The following ZNF841 variants were observed in gnomAD, a reference collection of about 807,000 sequenced individuals.
ZNF841 encodes zinc finger protein 841, also known as TCONS_00006091.
A neutral mutation model predicts 13.0 loss-of-function variants in ZNF841; 11 were observed. The ratio of observed to expected loss-of-function variants is 0.85; its 90% confidence interval spans 0.53 to 1.40. The LOEUF (loss-of-function observed/expected upper bound fraction) is 1.40. Ranked by LOEUF, ZNF841 falls within the 40% of genes most tolerant of loss-of-function variation. The probability of loss-of-function intolerance (pLI) is 0.00; values close to 1 mark genes in which losing one functional copy is unlikely to be tolerated. For synonymous variants in ZNF841, 369 were observed against 381.6 expected (o/e 0.97, Z 0.38); for missense variants, 1,068 against 1,139.5 (o/e 0.94, Z 0.90).
chr19:52,072,211 GAGA>G (rs1403880974), intron 6 of ZNF841, among the ~76,000 whole-genome samples: 13 of 152,234 alleles, frequency 8.5e-5, no homozygotes, highest in Admixed American at 5.9e-4. Flanking sequence ...TAACTAAAGG[GAGA>G]AGTAGTTCCA....
chr19:52,064,255 A>AGAATGGCGT (rs1299780191), downstream of ZNF841, among the ~76,000 whole-genome samples: 1 of 147,938 alleles, frequency 6.8e-6, no homozygotes, highest in Non-Finnish European at 1.5e-5. Flanking sequence ...CTGAGGCAGG[A>AGAATGGCGT]GAATGGCGTG....
Position 52,065,460 on chromosome 19 carries a change from G to A in ZNF841, c.2422C>T (p.Leu808=). 2 of 1,613,868 alleles carry A rather than the reference G, an allele frequency of 1.2e-6. No homozygotes were observed. The highest frequency in any genetic ancestry group is 1.7e-6 in the Non-Finnish European group (2 of 1,179,976). Residue 808 remains leucine, a synonymous_variant, in exon 7 of 7, where the codon CTG becomes TTG. Coordinates refer to ENST00000594440, the MANE Select transcript of ZNF841 (RefSeq NM_001136499.2). ...GTATGCATCATCTGATGATTAAGCA[G>A]AATTGAACGTACTCTAAAGGCTTTG... is the stretch of plus-strand genomic sequence containing the variant. The part of the protein sequence containing the change: ...CGKAFRVRSI[L]LNHQMMHTGE...
At chr19:52,059,348 TAAA>T in the ZNF841 span, among the ~76,000 whole-genome samples, 57 of 45,974 alleles carry the variant, frequency 1.2e-3, no homozygotes, top group South Asian at 6.7e-3. Context: ...AGACTCTGTC[TAAA>T]AAAAAAAAAA....
intron 2 of ZNF841, among the ~76,000 whole-genome samples, chr19:52,091,744 G>T (rs2088503945): frequency 6.6e-6 from 1 of 152,132 alleles, no homozygotes. Context: ...CCAGAAAATA[G>T]AAAAAAAGCT....
chr19:52,084,837 CCT>C lies in ZNF841; in HGVS notation c.-38_-37del. ...TTTTCTTTCTTCTTTCTCTCCTGGG[CCT>C]CTCTCTCAGTCAATATAATTAATTC... On this transcript the variant is annotated 5_prime_UTR_variant, in exon 4 of 7. Coordinates refer to ENST00000594440, the MANE Select transcript of ZNF841 (RefSeq NM_001136499.2). 5 of 1,603,674 alleles carry C rather than the reference CCT, an allele frequency of 3.1e-6. No individual in the cohort carries two copies. Among genetic ancestry groups the C allele is most frequent in the Non-Finnish European group, 2.6e-6 (3 of 1,174,484 alleles).
intron 6 of ZNF841, among the ~76,000 whole-genome samples, chr19:52,072,440 A>T (rs1568539687): frequency 6.6e-6 from 1 of 152,260 alleles, no homozygotes; most frequent in Admixed American, 6.5e-5. Context: ...AAAAAATTTT[A>T]AACTTTTTAA....
chr19:52,079,642 G>A (rs937904833), intron 4 of ZNF841, among the ~76,000 whole-genome samples: 4 of 151,956 alleles, frequency 2.6e-5, no homozygotes, highest in Non-Finnish European at 5.9e-5. Context: ...AAGGTGGGAG[G>A]GAAAAAGGCA....
At chr19:52,090,546 G>A (rs2088434650) in intron 2 of ZNF841, among the ~76,000 whole-genome samples, 2 of 151,358 alleles carry the variant, frequency 1.3e-5, no homozygotes, top group African/African-American at 2.4e-5. Flanking sequence ...CTGCAGTGAG[G>A]TATGATCGCC....
Position 52,066,918 on chromosome 19 carries a change from A to G in ZNF841, c.964T>C (p.Cys322Arg), listed in dbSNP as rs1415578364. Residue 322 changes from cysteine to arginine, a missense_variant, in exon 7 of 7, where the codon TGT becomes CGT. Physicochemically the swap from Cys to Arg is radical, Grantham distance 180. Transcript: ENST00000594440. ...TRGKPYQCDVCGRIFRQNSDL... is the reference protein window; with the variant it reads ...TRGKPYQCDVRGRIFRQNSDL... ...GAATTTTGTCTGAAGATCCTGCCACATACATCACATTGGTATGGTTTCCCT... is the reference window on the plus strand; with the variant it reads ...GAATTTTGTCTGAAGATCCTGCCACGTACATCACATTGGTATGGTTTCCCT... The G allele has an allele frequency of 1.2e-6, 2 of 1,614,184 alleles. No individual in the cohort carries two copies. The highest frequency in any genetic ancestry group is 4.5e-5 in the East Asian group (2 of 44,872).
At chr19:52,082,722 C>T (rs907124472) in intron 4 of ZNF841, among the ~76,000 whole-genome samples, 3 of 152,138 alleles carry the variant, frequency 2.0e-5, no homozygotes, top group Non-Finnish European at 4.4e-5. Flanking sequence ...ATCCATATGT[C>T]TTCATTTAGA....
intron 1 of ZNF841, among the ~76,000 whole-genome samples, chr19:52,094,433 C>T (rs2088605392): frequency 6.6e-6 from 1 of 152,040 alleles, no homozygotes; most frequent in Non-Finnish European, 1.5e-5. Flanking sequence ...GTTTTGCACC[C>T]CTTTCTTTAT....
intron 3 of ZNF841, among the ~76,000 whole-genome samples, chr19:52,088,440 A>G (rs1006766694): frequency 1.3e-5 from 2 of 152,240 alleles, no homozygotes; most frequent in African/African-American, 2.4e-5. Flanking sequence ...CATAAAATAT[A>G]TGTAACTATT....
chr19:52,073,490 AG>A (rs2087802530), intron 6 of ZNF841, among the ~76,000 whole-genome samples: 1 of 151,994 alleles, frequency 6.6e-6, no homozygotes, highest in African/African-American at 2.4e-5. Flanking sequence ...TAGTAGAAAC[AG>A]GGATTCACCA....
intron 4 of ZNF841, among the ~76,000 whole-genome samples, chr19:52,082,198 AG>A (rs1216763650): frequency 1.3e-5 from 2 of 152,198 alleles, no homozygotes; most frequent in Non-Finnish European, 2.9e-5. Flanking sequence ...CAATTCTTAT[AG>A]GAAGATGTGA....
intron 4 of ZNF841, among the ~76,000 whole-genome samples, chr19:52,081,826 C>G (rs1307972078): frequency 6.6e-6 from 1 of 152,016 alleles, no homozygotes; most frequent in Non-Finnish European, 1.5e-5. Context: ...TGCACTCCAG[C>G]CTGGGAAAGA....
At chr19:52,092,502 C>CA (rs201137662) in intron 2 of ZNF841, among the ~76,000 whole-genome samples, 2 of 152,156 alleles carry the variant, frequency 1.3e-5, no homozygotes, top group Admixed American at 6.5e-5. Flanking sequence ...CAGGTGTTAG[C>CA]ATGATATGGA....
intron 3 of ZNF841, among the ~76,000 whole-genome samples, chr19:52,086,160 T>TGTAGGTGG (rs1386782205): frequency 1.3e-5 from 2 of 152,150 alleles, no homozygotes; most frequent in South Asian, 4.2e-4. Flanking sequence ...CATGGAGACG[T>TGTAGGTGG]GTAGGTGGGT....
chr19:52,092,208 C>A (rs931865515), intron 2 of ZNF841, among the ~76,000 whole-genome samples: 1 of 152,070 alleles, frequency 6.6e-6, no homozygotes, highest in Non-Finnish European at 1.5e-5. Context: ...AATGAAAAAG[C>A]AATTTGTAAG....
At chr19:52,077,178 T>C in intron 4 of ZNF841, 94 bp from the exon 5 acceptor site, 1 of 1,389,332 alleles carries the variant, frequency 7.2e-7, no homozygotes, top group Non-Finnish European at 9.7e-7. Flanking sequence ...TCAATTTGAT[T>C]GAAGTGTGTT....
Sources: gnomAD v4.1 joint callset for allele counts (sites outside exome capture counted in the v4.1 genomes callset) on GRCh38, gnomAD v4.1.1 for gene constraint, MANE v1.5 for transcripts, NCBI Gene and HGNC (gene_info 2026-07-23, HGNC 2026-07-21) for gene names.